UBE3D: variants seen among roughly 807,000 people sequenced by gnomAD.
UBE3D encodes the protein E3 ubiquitin-protein ligase E3D.
Under a neutral mutation model 49.6 loss-of-function variants are expected in UBE3D, and 48 were observed. The ratio of observed to expected loss-of-function variants is 0.97; its 90% CI spans 0.77 to 1.23. UBE3D has a LOEUF of 1.23. Ranked by LOEUF, UBE3D falls within the 50% of genes most tolerant of loss-of-function variation. UBE3D has a pLI of 0.00. For missense variants in UBE3D, 452 were observed against 468.4 expected (o/e 0.96, Z 0.32); for synonymous variants, 189 against 174.2 (o/e 1.08, Z -0.67).
chr6:82,912,044 C>G (rs1377424256), intron 9 of UBE3D, among the ~76,000 whole-genome samples: 1 of 152,112 alleles, frequency 6.6e-6, no homozygotes, highest in Non-Finnish European at 1.5e-5. Context: ...TCTTATTGAC[C>G]TACATTTTTA....
At chr6:82,940,934 C>T (rs1013504311) in intron 9 of UBE3D, among the ~76,000 whole-genome samples, 3 of 152,084 alleles carry the variant, frequency 2.0e-5, no homozygotes, top group South Asian at 2.1e-4. Context: ...CTAAAATGGC[C>T]GTGCACGGTG....
At chr6:82,882,219 T>A in the UBE3D span, among the ~76,000 whole-genome samples, 3 of 152,254 alleles carry the variant, frequency 2.0e-5, no homozygotes, top group South Asian at 6.2e-4. Flanking sequence ...GAAGGGGAAA[T>A]CCAGAGTTTA....
At chr6:83,042,034 T>C (rs1782709574) in intron 4 of UBE3D, among the ~76,000 whole-genome samples, 1 of 152,028 alleles carries the variant, frequency 6.6e-6, no homozygotes, top group Non-Finnish European at 1.5e-5. Context: ...CTCAGCCTCC[T>C]GAGTAGCTGG....
intron 8 of UBE3D, among the ~76,000 whole-genome samples, chr6:82,971,547 T>G (rs1260145388): frequency 1.3e-5 from 2 of 151,882 alleles, no homozygotes; most frequent in Non-Finnish European, 2.9e-5. Flanking sequence ...GAATGCAAAG[T>G]GTTTAGGATG....
chr6:82,957,198 A>C, intron 9 of UBE3D, 114 bp downstream of exon 9: 1 of 1,091,154 alleles, frequency 9.2e-7, no homozygotes. Context: ...TATGCTTGTT[A>C]TGATTTGAAA....
intron 8 of UBE3D, among the ~76,000 whole-genome samples, chr6:83,000,233 T>G (rs981779676): frequency 3.3e-5 from 5 of 152,196 alleles, no homozygotes; most frequent in Non-Finnish European, 7.3e-5. Context: ...AACCTTTTAT[T>G]TGAACCCCAG....
chr6:83,006,000 G>T (rs1345935389), intron 8 of UBE3D, among the ~76,000 whole-genome samples: 1 of 152,120 alleles, frequency 6.6e-6, no homozygotes, highest in Admixed American at 6.5e-5. Context: ...TGAGATGGGT[G>T]TATCACTTGA....
chr6:83,047,950 CG>C (rs1266085177), intron 3 of UBE3D, among the ~76,000 whole-genome samples: 1 of 151,702 alleles, frequency 6.6e-6, no homozygotes, highest in East Asian at 1.9e-4. Flanking sequence ...GGAGTGCTGG[CG>C]GGCACCTGTA....
At position 82,903,181 on chromosome 6, in the gene UBE3D, C is replaced by G. The variant is rs183295533; in HGVS notation, c.1150-10139G>C. On this transcript the variant is annotated intron_variant, in intron 9 of 9. Transcript: ENST00000369747. ...TCTTTTTTTTTTGTAGAGATGCGGT[C>G]TTACTTTGTAGCCCAGGCTGGTCTC... Among the ~76,000 whole-genome samples, 67 of 151,838 alleles carry G rather than the reference C, an allele frequency of 4.4e-4. No homozygotes were observed. The East Asian group carries it at 0.01, about 23-fold the overall frequency.
intron 8 of UBE3D, among the ~76,000 whole-genome samples, chr6:82,970,895 C>A (rs1050125724): frequency 6.6e-6 from 1 of 152,134 alleles, no homozygotes; most frequent in African/African-American, 2.4e-5. Context: ...GGGACTCTCT[C>A]TCCTCAACAA....
intron 7 of UBE3D, 57 bp from the exon 8 acceptor site, chr6:83,019,193 T>C: frequency 6.8e-7 from 1 of 1,473,796 alleles, no homozygotes; most frequent in Non-Finnish European, 9.0e-7. Flanking sequence ...ATCCATATCT[T>C]ATGACTTTTC....
At chr6:82,955,957 C>T (rs142501444) in intron 9 of UBE3D, among the ~76,000 whole-genome samples, 21 of 152,318 alleles carry the variant, frequency 1.4e-4, no homozygotes, top group African/African-American at 3.4e-4. Flanking sequence ...AATAGGCATG[C>T]TAAGACCAAA....
chr6:82,993,869 A>C (rs1175964472), intron 8 of UBE3D, among the ~76,000 whole-genome samples: 1 of 152,252 alleles, frequency 6.6e-6, no homozygotes, highest in Non-Finnish European at 1.5e-5. Context: ...CTCATGAAAA[A>C]GAGTTCCATG....
chr6:83,064,119 G>A (rs925758979), intron 1 of UBE3D, among the ~76,000 whole-genome samples: 3 of 152,156 alleles, frequency 2.0e-5, no homozygotes, highest in Non-Finnish European at 2.9e-5. Context: ...TATTATGGAA[G>A]GAATGCAGCC....
intron 8 of UBE3D, among the ~76,000 whole-genome samples, chr6:82,993,882 CAT>C (rs1399608180): frequency 2.6e-5 from 4 of 152,204 alleles, no homozygotes; most frequent in Non-Finnish European, 5.9e-5. Flanking sequence ...GTTCCATGAT[CAT>C]ATGAGATTCA....
At position 83,044,454 on chromosome 6, in the gene UBE3D, C is replaced by CATCTG. The variant is rs746715104; in HGVS notation, c.570_571insCAGAT (p.Val191GlnfsTer19). 1 of 1,613,956 alleles carries CATCTG rather than the reference C, an allele frequency of 6.2e-7. No individual in the cohort carries two copies. The highest frequency in any genetic ancestry group is 8.5e-7 in the Non-Finnish European group (1 of 1,179,980). ...AATTTACAATGGTTGTCAGAAGAAA[C>CATCTG]ACAGCACATCTCCACTGGGGATAGT... On this transcript the variant is annotated frameshift_variant, in exon 4 of 10. Coordinates refer to ENST00000369747, the MANE Select transcript of UBE3D (RefSeq NM_198920.3). LOFTEE classifies it high-confidence loss of function.
chr6:83,024,869 G>A (rs745496595), intron 5 of UBE3D, among the ~76,000 whole-genome samples: 5 of 152,080 alleles, frequency 3.3e-5, no homozygotes, highest in African/African-American at 4.8e-5. Flanking sequence ...ATCGTTTTTC[G>A]TTGAGGGCAT....
At chr6:83,064,431 T>C (rs1784370917) in intron 1 of UBE3D, among the ~76,000 whole-genome samples, 1 of 152,126 alleles carries the variant, frequency 6.6e-6, no homozygotes, top group Non-Finnish European at 1.5e-5. Flanking sequence ...TTTCACCATG[T>C]TGGCCAGGAT....
intron 9 of UBE3D, among the ~76,000 whole-genome samples, chr6:82,936,714 C>T (rs761384682): frequency 9.9e-5 from 15 of 152,198 alleles, no homozygotes; most frequent in African/African-American, 1.4e-4. Flanking sequence ...ATTGAAGCCC[C>T]TTCCCTGCTG....
Sources: allele counts gnomAD v4.1 joint callset (sites outside exome capture counted in the v4.1 genomes callset), GRCh38; gene constraint gnomAD v4.1.1; transcripts MANE v1.5; gene names NCBI Gene and HGNC (gene_info 2026-07-23, HGNC 2026-07-21).